The following DCC variants were observed in gnomAD, a reference collection of about 807,000 sequenced individuals.
DCC encodes DCC netrin 1 receptor.
A neutral mutation model predicts 172.5 loss-of-function variants in DCC; 58 were observed. The observed-to-expected ratio is 0.34, with a 90% CI of 0.27 to 0.42. The LOEUF is 0.42. DCC is among the 10% of genes least tolerant of loss of function. The probability of loss-of-function intolerance (pLI) is 1.00; values close to 1 mark genes in which losing one functional copy is unlikely to be tolerated. For synonymous variants in DCC, 709 were observed against 644.5 expected (o/e 1.10, Z -1.52); for missense variants, 1,740 against 1,791.0 (o/e 0.97, Z 0.51).
At chr18:52,976,919 C>T (rs2041127690) in intron 5 of DCC, among the ~76,000 whole-genome samples, 1 of 152,128 alleles carries the variant, frequency 6.6e-6, no homozygotes, top group Admixed American at 6.5e-5. Context: ...TTACATTATT[C>T]TGGAATGTCC....
At chr18:53,289,211 T>C (rs1427368858) in intron 12 of DCC, among the ~76,000 whole-genome samples, 1 of 152,178 alleles carries the variant, frequency 6.6e-6, no homozygotes, top group Non-Finnish European at 1.5e-5. Context: ...AAATTCGCAA[T>C]ATAGGCTCAA....
At chr18:53,049,394 T>C (rs2042303485) in intron 5 of DCC, among the ~76,000 whole-genome samples, 1 of 152,148 alleles carries the variant, frequency 6.6e-6, no homozygotes, top group Non-Finnish European at 1.5e-5. Flanking sequence ...GTTTCAATCT[T>C]CTGCATATGG....
chr18:53,260,360 G>T (rs1486339563), intron 12 of DCC, among the ~76,000 whole-genome samples: 1 of 152,034 alleles, frequency 6.6e-6, no homozygotes, highest in Non-Finnish European at 1.5e-5. Flanking sequence ...TTTGATGATG[G>T]TGACGTACAG....
intron 1 of DCC, among the ~76,000 whole-genome samples, chr18:52,411,670 T>C (rs1455142248): frequency 6.6e-6 from 1 of 152,174 alleles, no homozygotes; most frequent in Non-Finnish European, 1.5e-5. Context: ...GGATCCAGTG[T>C]CAGACTGCCT....
intron 1 of DCC, among the ~76,000 whole-genome samples, chr18:52,530,617 TC>T (rs2032121579): frequency 6.6e-6 from 1 of 152,206 alleles, no homozygotes; most frequent in Admixed American, 6.5e-5. Flanking sequence ...TTCTTCCTAC[TC>T]CACTGTACTT....
intron 5 of DCC, among the ~76,000 whole-genome samples, chr18:53,010,699 TTATA>T (rs1453445577): frequency 6.6e-6 from 1 of 150,802 alleles, no homozygotes; most frequent in East Asian, 1.9e-4. Flanking sequence ...CATAATATAT[TTATA>T]TACCCAAATA....
chr18:52,868,857 C>T (rs2039271656), intron 2 of DCC, among the ~76,000 whole-genome samples: 1 of 152,198 alleles, frequency 6.6e-6, no homozygotes, highest in South Asian at 2.1e-4. Flanking sequence ...GTCAGACACA[C>T]CAGCTGCTGC....
intron 8 of DCC, among the ~76,000 whole-genome samples, chr18:53,168,971 A>G (rs2054968913): frequency 6.6e-6 from 1 of 152,200 alleles, no homozygotes; most frequent in African/African-American, 2.4e-5. Context: ...AATAGATGAT[A>G]GCAAAAATTG....
At chr18:52,699,351 T>A (rs1175075534) in intron 1 of DCC, among the ~76,000 whole-genome samples, 3 of 152,058 alleles carry the variant, frequency 2.0e-5, no homozygotes, top group Admixed American at 2.0e-4. Flanking sequence ...CTCATGTGGG[T>A]TTGTCCTGTA....
At chr18:52,376,788 A>C (rs939181436) in intron 1 of DCC, among the ~76,000 whole-genome samples, 4 of 152,208 alleles carry the variant, frequency 2.6e-5, no homozygotes, top group African/African-American at 9.6e-5. Context: ...TTGAATAGAT[A>C]GATGCTCAGT....
intron 24 of DCC, among the ~76,000 whole-genome samples, chr18:53,462,227 G>A (rs2045567980): frequency 6.6e-6 from 1 of 152,160 alleles, no homozygotes; most frequent in Non-Finnish European, 1.5e-5. Flanking sequence ...CTGGTTCATG[G>A]CCTGTTAGGA....
At chr18:52,700,351 TCACATGCACACACACACATGCACA>T (rs2036100576) in intron 1 of DCC, among the ~76,000 whole-genome samples, 1 of 131,224 alleles carries the variant, frequency 7.6e-6, no homozygotes, top group African/African-American at 2.7e-5. Context: ...GCACACTCAC[TCACATGCACACACACACATGCACA>T]CACATGCACA....
At chr18:53,365,582 T>C (rs1422872983) in intron 15 of DCC, among the ~76,000 whole-genome samples, 2 of 152,166 alleles carry the variant, frequency 1.3e-5, no homozygotes, top group Admixed American at 6.5e-5. Flanking sequence ...AAAATTGTTA[T>C]AGCTGTTGGG....
chr18:52,925,711 T>C (rs1323903455), intron 5 of DCC, among the ~76,000 whole-genome samples: 2 of 151,946 alleles, frequency 1.3e-5, no homozygotes, highest in Non-Finnish European at 2.9e-5. Flanking sequence ...TTGTACAAAA[T>C]ATTTATCCTT....
chr18:52,640,012 C>T (rs1211357320), intron 1 of DCC, among the ~76,000 whole-genome samples: 1 of 152,104 alleles, frequency 6.6e-6, no homozygotes, highest in Non-Finnish European at 1.5e-5. Flanking sequence ...GAAGATATTC[C>T]ACCATGATAA....
intron 1 of DCC, among the ~76,000 whole-genome samples, chr18:52,624,333 T>C (rs189758536): frequency 6.6e-6 from 1 of 152,338 alleles, no homozygotes; most frequent in Admixed American, 6.5e-5. Context: ...AGTAAAATAG[T>C]ACCTTTTTGT....
At chr18:52,425,402 A>C (rs1987390889) in intron 1 of DCC, among the ~76,000 whole-genome samples, 2 of 152,076 alleles carry the variant, frequency 1.3e-5, no homozygotes, top group South Asian at 4.1e-4. Context: ...CCTAAACCAG[A>C]GCCATTGCTC....
At chr18:53,470,681 G>T (rs1238264636) in intron 25 of DCC, among the ~76,000 whole-genome samples, 1 of 152,054 alleles carries the variant, frequency 6.6e-6, no homozygotes, top group Non-Finnish European at 1.5e-5. Context: ...ATGGCGGAAG[G>T]TGAAGGAAAA....
intron 9 of DCC, among the ~76,000 whole-genome samples, chr18:53,200,379 A>T (rs8084280): frequency 0.46 from 69,661 of 152,076 alleles, 16,924 homozygotes; most frequent in Non-Finnish European, 0.52. Flanking sequence ...GACTACATAA[A>T]GTGCCTTAGG....
Sources: allele counts gnomAD v4.1 joint callset (sites outside exome capture counted in the v4.1 genomes callset), GRCh38; gene constraint gnomAD v4.1.1; transcripts MANE v1.5; gene names NCBI Gene and HGNC (gene_info 2026-07-23, HGNC 2026-07-21).